Variants in TRAPPC11 observed in about 807,000 individuals in gnomAD.
The protein encoded by TRAPPC11 is trafficking protein particle complex subunit 11.
In TRAPPC11, 104 loss-of-function variants were observed where a neutral mutation model predicts 151.2. That is an observed-to-expected ratio of 0.69 (90% CI 0.59 to 0.81). The LOEUF (loss-of-function observed/expected upper bound fraction) is 0.81. Among genes scored for constraint, TRAPPC11 ranks in the 30% least tolerant of loss-of-function variants. TRAPPC11 has a pLI of 0.00. For synonymous variants in TRAPPC11, 456 were observed against 472.3 expected, an observed-to-expected ratio of 0.97 and a Z score of 0.45; for missense variants, 1,230 against 1,349.6, an observed-to-expected ratio of 0.91 and a Z score of 1.39.
intron 20 of TRAPPC11, 152 bp from the exon 21 acceptor site, chr4:183,693,437 C>A: frequency 1.2e-6 from 1 of 829,816 alleles, no homozygotes; most frequent in Non-Finnish European, 1.8e-6. Context: ...AACTCCTGGG[C>A]TCAAGCGATC....
chr4:183,685,197 T>C (rs1735904748), intron 16 of TRAPPC11, 52 bp downstream of exon 16: 14 of 1,608,838 alleles, frequency 8.7e-6, no homozygotes, highest in Middle Eastern at 1.7e-4. Context: ...TGTGTACTTA[T>C]ATCTATATCA....
intron 4 of TRAPPC11, 46 bp from the exon 5 acceptor site, chr4:183,667,957 A>G (rs1561028839): frequency 1.7e-6 from 2 of 1,186,378 alleles, no homozygotes; most frequent in Non-Finnish European, 2.5e-6. Context: ...GGGAAGCTAC[A>G]TTAGTTATTT....
In TRAPPC11 at chr4:183,693,638, C is replaced by T. The variant is rs201179987; in HGVS notation, c.2287C>T (p.Pro763Ser). 322 of 1,613,964 alleles carry T rather than the reference C, an allele frequency of 2.0e-4. 1 individual carries two copies. The highest frequency in any genetic ancestry group is 1.0e-4 in the Admixed American group (6 of 59,988). Residue 763 changes from proline (P) to serine (S), a missense_variant, in exon 21 of 30, where the codon CCT becomes TCT. Transcript: ENST00000334690. ...NISVHLLHEPPALTNEMYCLV... is the reference protein window; with the variant it reads ...NISVHLLHEPSALTNEMYCLV... ...TTCTGTACATCTGCTACATGAACCCCCTGCACTGACTAATGAAATGTATTG... is the reference window on the plus strand; with the variant it reads ...TTCTGTACATCTGCTACATGAACCCTCTGCACTGACTAATGAAATGTATTG...
intron 5 of TRAPPC11, among the ~76,000 whole-genome samples, chr4:183,674,254 C>T (rs1735297720): frequency 6.6e-6 from 1 of 151,750 alleles, no homozygotes; most frequent in Non-Finnish European, 1.5e-5. Context: ...CTCACCTAAA[C>T]TAAAAATATA....
In TRAPPC11 at chr4:183,667,061, C is replaced by A. The variant is rs1260795191; in HGVS notation, c.376C>A (p.Gln126Lys). The A allele has an allele frequency of 1.3e-6, 2 of 1,587,722 alleles. No individual in the cohort carries two copies. The highest frequency in any genetic ancestry group is 1.7e-6 in the Non-Finnish European group (2 of 1,162,914). Residue 126 changes from glutamine to lysine, a missense_variant and splice_region_variant, in exon 4 of 30, where the codon CAA becomes AAA. Gln to Lys is a moderately conservative substitution (Grantham distance 53). Coordinates refer to ENST00000334690, the MANE Select transcript of TRAPPC11 (RefSeq NM_021942.6). The part of the protein sequence containing the change: ...ECATRVEIVR[Q>K]SLQGRNTKVA... ...TTTATTCTTGCTTTTTCATTGCAGG[C>A]AAAGTTTACAAGGAAGAAACACAAA...
At chr4:183,701,435 C>T in intron 25 of TRAPPC11, 4 of 330,256 alleles carry the variant, frequency 1.2e-5, no homozygotes, top group African/African-American at 2.1e-5. Context: ...TTTTTGCATT[C>T]ATTAGTTTCC....
At chr4:183,661,331 A>G (rs116816712) in intron 1 of TRAPPC11, among the ~76,000 whole-genome samples, 59 of 148,318 alleles carry the variant, frequency 4.0e-4, no homozygotes, top group African/African-American at 1.4e-3. Flanking sequence ...AGACTTCTCC[A>G]TAATATACTG....
At position 183,701,769 on chromosome 4, in the gene TRAPPC11, G is replaced by A; in HGVS notation, c.2924G>A (p.Gly975Asp). ...TGCCCATCTCTTGGAAATATTGAAG[G>A]TGGAGTAGCAACCGGGCATTATATT... is the stretch of plus-strand genomic sequence containing the variant. ...LQCPSLGNIE[G>D]GVATGHYIIS... is the part of the protein sequence containing the mutation. The change falls in exon 26 of 30, where the codon GGT (glycine) becomes GAT (aspartate). Residue 975 changes from glycine (G) to aspartate (D), a missense_variant. Coordinates refer to ENST00000334690, the MANE Select transcript of TRAPPC11 (RefSeq NM_021942.6). 1 of 1,613,920 alleles carries A rather than the reference G, an allele frequency of 6.2e-7. No homozygotes were observed.
intron 5 of TRAPPC11, among the ~76,000 whole-genome samples, chr4:183,673,944 A>T (rs1414835615): frequency 6.6e-6 from 1 of 152,090 alleles, no homozygotes; most frequent in African/African-American, 2.4e-5. Context: ...AAATGTTTTC[A>T]CCTTATTTGC....
intron 1 of TRAPPC11, among the ~76,000 whole-genome samples, chr4:183,660,201 T>A (rs1313548631): frequency 6.6e-6 from 1 of 152,252 alleles, no homozygotes; most frequent in Non-Finnish European, 1.5e-5. Context: ...TCAGGTGACA[T>A]AGGAGAATGT....
Position 183,711,654 on chromosome 4 carries a change from A to G in TRAPPC11, c.3358-946A>G, listed in dbSNP as rs144127364. ...TGTATGTATGTACACACACACTGCT[A>G]TATACATCTGAACAACCACAGCAGC... On this transcript the variant is annotated intron_variant, in intron 29 of 29. Coordinates refer to ENST00000334690, the MANE Select transcript of TRAPPC11 (RefSeq NM_021942.6). Among the ~76,000 whole-genome samples the G allele has an allele frequency of 2.5e-3, 367 of 148,068 alleles. 1 individual carries two copies. The highest frequency in any genetic ancestry group is 8.5e-3 in the African/African-American group (347 of 41,042).
At chr4:183,671,638 A>T (rs1451058952) in intron 5 of TRAPPC11, among the ~76,000 whole-genome samples, 1 of 152,232 alleles carries the variant, frequency 6.6e-6, no homozygotes, top group Admixed American at 6.5e-5. Context: ...CCCCTTTTAG[A>T]CATAAATCTG....
In TRAPPC11 at chr4:183,713,548, T is replaced by A. The variant is rs1737424596; in HGVS notation, c.*904T>A. The A allele has an allele frequency of 6.6e-6, 1 of 152,664 alleles. No individual in the cohort carries two copies. Among genetic ancestry groups the A allele is most frequent in the Non-Finnish European group, 1.5e-5 (1 of 68,038 alleles). The allele number at this position is 152,664 out of a possible 1,614,324, so 9.5% of individuals were successfully genotyped here. A position where few individuals can be genotyped will look rare whatever the true frequency, so the allele number is the denominator to read the frequency against. On this transcript the variant is annotated 3_prime_UTR_variant, in exon 30 of 30. Transcript: ENST00000334690. ...TATTATTCAAAAGGTGGAGGCATTG[T>A]AAAAAGGAAATAGTGATGTAAATAA...
chr4:183,703,029 A>G (rs1736878322), intron 26 of TRAPPC11, among the ~76,000 whole-genome samples: 1 of 152,246 alleles, frequency 6.6e-6, no homozygotes, highest in South Asian at 2.1e-4. Flanking sequence ...AATTGCCTTC[A>G]AAGAATATAT....
chr4:183,684,129 C>CT lies in TRAPPC11; in HGVS notation c.1288-15dup, dbSNP rs771815406. 6.2e-7 allele frequency: 1 copy of CT among 1,610,358 alleles called. No individual in the cohort carries two copies. Among genetic ancestry groups the CT allele is most frequent in the Admixed American group, 1.7e-5 (1 of 59,948 alleles). ...TATTTGTATTGAAATGTTTCACACTCTACTTTTTCTAATAGGAGATAATCA... is the reference window on the plus strand; with the variant it reads ...TATTTGTATTGAAATGTTTCACACTCTTACTTTTTCTAATAGGAGATAATCA... On this transcript the variant is annotated splice_polypyrimidine_tract_variant and intron_variant, in intron 12 of 29. Coordinates refer to ENST00000334690, the MANE Select transcript of TRAPPC11 (RefSeq NM_021942.6).
In TRAPPC11 at chr4:183,660,956, C is replaced by T. The variant is rs539355364; in HGVS notation, c.-22+1509C>T. On this transcript the variant is annotated intron_variant, in intron 1 of 29. Coordinates refer to ENST00000334690, the MANE Select transcript of TRAPPC11 (RefSeq NM_021942.6). Reference sequence around the variant, plus strand: ...TTTGAACCGTTGACCTCGTGAATCGCCCGCCTTGGCCTCCCAAAGTGCTGG... The same window carrying T: ...TTTGAACCGTTGACCTCGTGAATCGTCCGCCTTGGCCTCCCAAAGTGCTGG... Among the ~76,000 whole-genome samples the T allele has an allele frequency of 2.9e-3, 444 of 152,144 alleles. 4 individuals carry two copies. Among genetic ancestry groups the T allele is most frequent in the Non-Finnish European group, 2.7e-3 (183 of 68,030 alleles).
In TRAPPC11 at chr4:183,686,219, C is replaced by A. The variant is rs190790565; in HGVS notation, c.1763-399C>A. On this transcript the variant is annotated intron_variant, in intron 17 of 29. Coordinates refer to ENST00000334690, the MANE Select transcript of TRAPPC11 (RefSeq NM_021942.6). ...TGCTGCGACCTCCGTTTACCACAAC[C>A]TCCACCTCCTGGGTTCAAGTGATTC... is the stretch of plus-strand genomic sequence containing the variant. Among the ~76,000 whole-genome samples, 3 of 152,314 alleles carry A rather than the reference C, an allele frequency of 2.0e-5. No homozygotes were observed. The East Asian group carries it at 5.8e-4, about 29-fold the overall frequency.
At chr4:183,674,515 A>G (rs1222647068) in intron 5 of TRAPPC11, among the ~76,000 whole-genome samples, 198 bp from the exon 6 acceptor site, 1 of 151,578 alleles carries the variant, frequency 6.6e-6, no homozygotes, top group Admixed American at 6.6e-5. Flanking sequence ...AAATAATTTT[A>G]AATGGCTTTT....
chr4:183,685,394 G>A lies in TRAPPC11; in HGVS notation c.1753G>A (p.Val585Met), dbSNP rs928347123. 1.8e-5 allele frequency: 29 copies of A among 1,612,870 alleles called. No individual in the cohort carries two copies. The highest frequency in any genetic ancestry group is 2.5e-5 in the Non-Finnish European group (29 of 1,178,948). The change falls in exon 17 of 30, where the codon GTG becomes ATG. Residue 585 changes from valine (V) to methionine (M), a missense_variant. Transcript: ENST00000334690. ...TTTCACAATAGGAGTACAGGACTTTGTGCCATTTGGTAGGTAGCTAACATC... is the reference window on the plus strand; with the variant it reads ...TTTCACAATAGGAGTACAGGACTTTATGCCATTTGGTAGGTAGCTAACATC... ...NIFTIGVQDF[V>M]PFVQCKAKFH...
Sources: gnomAD v4.1 joint callset for allele counts (sites outside exome capture counted in the v4.1 genomes callset) on GRCh38, gnomAD v4.1.1 for gene constraint, MANE v1.5 for transcripts, NCBI Gene and HGNC (gene_info 2026-07-23, HGNC 2026-07-21) for gene names.